ZNF354A: variants seen among roughly 807,000 people sequenced by gnomAD.
ZNF354A encodes the protein zinc finger protein 354A, also known as epididymis luminal protein 104.
ZNF354A carries 25 observed loss-of-function variants against 53.3 expected under a neutral mutation model. The ratio of observed to expected loss-of-function variants is 0.47; its 90% CI spans 0.34 to 0.66. The LOEUF (loss-of-function observed/expected upper bound fraction) is 0.66. Ranked by LOEUF, ZNF354A falls within the 30% of genes least tolerant of loss-of-function variation. ZNF354A has a pLI of 0.01. For synonymous variants in ZNF354A, 228 were observed against 249.0 expected (o/e 0.92, Z 0.79); for missense variants, 586 against 716.8 (o/e 0.82, Z 2.08).
intron 4 of ZNF354A, among the ~76,000 whole-genome samples, chr5:178,715,547 A>G (rs964946432): frequency 1.3e-5 from 2 of 152,148 alleles, no homozygotes; most frequent in Admixed American, 1.3e-4. Flanking sequence ...AAATTAAGTG[A>G]TCAAATTTTA....
intron 4 of ZNF354A, among the ~76,000 whole-genome samples, chr5:178,714,462 T>C (rs923887324): frequency 9.2e-5 from 14 of 152,186 alleles, no homozygotes; most frequent in African/African-American, 3.4e-4. Context: ...GTATTAAACA[T>C]ATGTATTACT....
At chr5:178,718,777 G>A (rs1376324308) in intron 4 of ZNF354A, among the ~76,000 whole-genome samples, 1 of 152,066 alleles carries the variant, frequency 6.6e-6, no homozygotes, top group Non-Finnish European at 1.5e-5. Flanking sequence ...CTGTTGCCCA[G>A]GCTGAAATGC....
At position 178,712,341 on chromosome 5, in the gene ZNF354A, G is replaced by A; in HGVS notation, c.1537C>T (p.Gln513Ter). ...GGTTTCTCTCCAGTATGAATTCTCT[G>A]GTGATTACTAAGTGATGAGTTACAC... ...FRCNSSLSNH[Q>*]RIHTGEKPYR... Residue 513 changes from glutamine to a stop codon, truncating the protein, a stop_gained, in exon 5 of 5, where the codon CAG becomes TAG. Transcript: ENST00000335815. LOFTEE classifies it high-confidence loss of function. 6.2e-7 allele frequency: 1 copy of A among 1,614,030 alleles called. No homozygotes were observed. The highest frequency in any genetic ancestry group is 2.2e-5 in the East Asian group (1 of 44,864).
In ZNF354A at chr5:178,727,021, G is replaced by C; in HGVS notation, c.138C>G (p.Asn46Lys). The change falls in exon 3 of 5, where the codon AAC (asparagine) becomes AAG (lysine). Residue 46 changes from asparagine to lysine, a missense_variant. Around this residue, in one of 2 missense-constraint regions of ZNF354A, gnomAD observed 573 missense variants for 680.1 expected, o/e 0.84. Coordinates refer to ENST00000335815, the MANE Select transcript of ZNF354A (RefSeq NM_005649.3). Reference sequence around the variant, plus strand: ...TACCCAGTGAGACCAGGTTCCTATAGTTCTCCAGCATCACATCCCGGTACA... The same window carrying C: ...TACCCAGTGAGACCAGGTTCCTATACTTCTCCAGCATCACATCCCGGTACA... ...RNLYRDVMLE[N>K]YRNLVSLGLP... 6.2e-7 allele frequency: 1 copy of C among 1,613,424 alleles called. No homozygotes were observed. Among genetic ancestry groups the C allele is most frequent in the East Asian group, 2.2e-5 (1 of 44,880 alleles).
At chr5:178,728,855 C>T (rs1302788599) in intron 2 of ZNF354A, 135 bp downstream of exon 2, 2 of 1,372,506 alleles carry the variant, frequency 1.5e-6, no homozygotes, top group Non-Finnish European at 2.0e-6. Flanking sequence ...CAGAATCCAC[C>T]ACTCATGAGG....
intron 3 of ZNF354A, chr5:178,726,239 A>G: frequency 2.2e-6 from 1 of 455,748 alleles, no homozygotes; most frequent in South Asian, 1.5e-5. Flanking sequence ...TGTGCAAAGA[A>G]TGGTGGGAAA....
At chr5:178,720,389 C>T (rs1561618874) in intron 4 of ZNF354A, among the ~76,000 whole-genome samples, 1 of 152,124 alleles carries the variant, frequency 6.6e-6, no homozygotes, top group Admixed American at 6.5e-5. Context: ...TTGGGGTGAG[C>T]CCTAATCCAG....
At chr5:178,726,230 G>A (rs1284406746) in intron 3 of ZNF354A, 1 of 455,724 alleles carries the variant, frequency 2.2e-6, no homozygotes, top group South Asian at 1.5e-5. Context: ...GTATGGCCCT[G>A]TGCAAAGAAT....
chr5:178,730,404 G>A (rs111776026), intron 1 of ZNF354A, among the ~76,000 whole-genome samples, 152 bp downstream of exon 1: 3,445 of 152,214 alleles, frequency 0.023, 85 homozygotes, highest in African/African-American at 0.063. Context: ...CGCCCCGCGG[G>A]GGGGCGAGAG....
At chr5:178,729,882 T>TTTTTTTTTTTTTTTTTG (rs1233141218) in intron 1 of ZNF354A, among the ~76,000 whole-genome samples, 2 of 147,542 alleles carry the variant, frequency 1.4e-5, no homozygotes, top group Non-Finnish European at 3.0e-5. Context: ...GTTTCTTTTT[T>TTTTTTTTTTTTTTTTTG]GAGACGGAGT....
intron 4 of ZNF354A, 77 bp from the exon 5 acceptor site, chr5:178,713,698 GAATA>G (rs1453047648): frequency 6.9e-7 from 1 of 1,453,472 alleles, no homozygotes; most frequent in African/African-American, 1.4e-5. Flanking sequence ...AGTGTAGAAG[GAATA>G]AATATTGGTG....
chr5:178,722,099 T>C (rs779271845), intron 4 of ZNF354A, among the ~76,000 whole-genome samples: 6 of 152,198 alleles, frequency 3.9e-5, no homozygotes, highest in Non-Finnish European at 7.3e-5. Context: ...AGTACGCTTT[T>C]ACCTGTCTTC....
At chr5:178,727,157 G>C in intron 2 of ZNF354A, 32 bp from the exon 3 acceptor site, 8 of 1,598,448 alleles carry the variant, frequency 5.0e-6, no homozygotes, top group Non-Finnish European at 6.8e-6. Flanking sequence ...GCTCACCCAG[G>C]ACCACCCTCA....
At chr5:178,724,894 T>G (rs1216273009) in intron 4 of ZNF354A, among the ~76,000 whole-genome samples, 5 of 152,192 alleles carry the variant, frequency 3.3e-5, no homozygotes, top group Non-Finnish European at 5.9e-5. Flanking sequence ...GGATGGAGAC[T>G]CAGCTGTTTC....
intron 4 of ZNF354A, among the ~76,000 whole-genome samples, chr5:178,714,750 CACAT>C (rs1359639431): frequency 6.6e-6 from 1 of 151,952 alleles, no homozygotes; most frequent in Non-Finnish European, 1.5e-5. Context: ...TACATACATA[CACAT>C]ACATACTTCA....
chr5:178,726,142 T>A, intron 3 of ZNF354A: 1 of 454,930 alleles, frequency 2.2e-6, no homozygotes, highest in Non-Finnish European at 4.4e-6. Flanking sequence ...GCGCCCGGCC[T>A]ATGTGACTCC....
intron 4 of ZNF354A, among the ~76,000 whole-genome samples, chr5:178,716,122 C>A (rs1765708472): frequency 6.6e-6 from 1 of 152,100 alleles, no homozygotes; most frequent in South Asian, 2.1e-4. Context: ...GTCTCGAACT[C>A]CTGATCTCAT....
intron 4 of ZNF354A, among the ~76,000 whole-genome samples, chr5:178,722,466 C>A (rs746438003): frequency 4.9e-4 from 75 of 152,248 alleles, no homozygotes; most frequent in Non-Finnish European, 1.0e-3. Context: ...CGTCACAGAA[C>A]AAACCAGAAA....
intron 4 of ZNF354A, among the ~76,000 whole-genome samples, chr5:178,722,139 T>C (rs1436753324): frequency 2.0e-5 from 3 of 152,174 alleles, no homozygotes; most frequent in Non-Finnish European, 1.5e-5. Context: ...CTGCCTGGCT[T>C]CCTGAAATGC....
Sources: allele counts gnomAD v4.1 joint callset (sites outside exome capture counted in the v4.1 genomes callset), GRCh38; gene constraint gnomAD v4.1.1; regional missense constraint gnomAD v4.1.1; transcripts MANE v1.5; gene names NCBI Gene and HGNC (gene_info 2026-07-23, HGNC 2026-07-21).